Variants in PDE1A observed in about 807,000 individuals in gnomAD.
The protein encoded by PDE1A is dual specificity calcium/calmodulin-dependent 3',5'-cyclic nucleotide phosphodiesterase 1A.
PDE1A carries 35 observed loss-of-function variants against 61.7 expected under a neutral mutation model. The ratio of observed to expected loss-of-function variants is 0.57; its 90% CI spans 0.43 to 0.75. PDE1A has a LOEUF of 0.75. PDE1A is among the 30% of genes least tolerant of loss of function. The pLI, the probability that PDE1A is intolerant of heterozygous loss-of-function variation, is 0.00. For synonymous variants in PDE1A, 232 were observed against 213.2 expected (o/e 1.09, Z -0.77); for missense variants, 597 against 630.6 (o/e 0.95, Z 0.57).
intron 13 of PDE1A, among the ~76,000 whole-genome samples, chr2:182,152,147 T>G (rs980129840): frequency 6.6e-6 from 1 of 152,220 alleles, no homozygotes; most frequent in African/African-American, 2.4e-5. Flanking sequence ...ACCTTTGCTA[T>G]GTATAATAGT....
chr2:182,587,797 G>A, the PDE1A span, among the ~76,000 whole-genome samples: 4 of 151,998 alleles, frequency 2.6e-5, no homozygotes, highest in Non-Finnish European at 5.9e-5. Context: ...TGTCTAATAC[G>A]TTCATTACAT....
intron 13 of PDE1A, among the ~76,000 whole-genome samples, chr2:182,156,284 A>T (rs1348009138): frequency 6.6e-6 from 1 of 152,216 alleles, no homozygotes; most frequent in African/African-American, 2.4e-5. Context: ...AACATTCAGA[A>T]AATGCTTACT....
chr2:182,522,304 C>G, exon 2 of PDE1A: 1 of 1,613,526 alleles, frequency 6.2e-7, no homozygotes, highest in South Asian at 1.1e-5. Flanking sequence ...CACATTTTTT[C>G]AGTCTGTTCT....
chr2:182,423,013 G>A (rs1024033215), intron 1 of PDE1A, among the ~76,000 whole-genome samples: 1 of 152,174 alleles, frequency 6.6e-6, no homozygotes, highest in South Asian at 2.1e-4. Context: ...AGTCTGAGCT[G>A]GAAGAGCCTG....
At chr2:182,158,165 A>G (rs747407901) in intron 13 of PDE1A, among the ~76,000 whole-genome samples, 2 of 152,206 alleles carry the variant, frequency 1.3e-5, no homozygotes, top group African/African-American at 2.4e-5. Flanking sequence ...TTGGATGTAT[A>G]TGCAAGTTGC....
At chr2:182,270,151 C>T (rs562546998) in intron 1 of PDE1A, among the ~76,000 whole-genome samples, 20 of 152,178 alleles carry the variant, frequency 1.3e-4, no homozygotes, top group South Asian at 2.1e-4. Flanking sequence ...TACCTTCTAA[C>T]GATCAGGACA....
At chr2:182,574,173 T>C in the PDE1A span, among the ~76,000 whole-genome samples, 1 of 151,924 alleles carries the variant, frequency 6.6e-6, no homozygotes, top group African/African-American at 2.4e-5. Flanking sequence ...GCTAGGCCAG[T>C]CTCTCCTTTT....
At position 182,521,678 on chromosome 2, in the gene PDE1A, G is replaced by A. The variant is rs150206888; in HGVS notation, c.101+598C>T. Among the ~76,000 whole-genome samples, 350 of 152,174 alleles carry A rather than the reference G, an allele frequency of 2.3e-3. 3 individuals carry two copies. Among genetic ancestry groups the A allele is most frequent in the African/African-American group, 7.9e-3 (328 of 41,546 alleles). ...GACCCATTTTACTAAGGGCTATTAT[G>A]TACTATGGACTATTCTGTACTCTCA... is the stretch of plus-strand genomic sequence containing the variant. On this transcript the variant is annotated intron_variant, in intron 2 of 14. Coordinates refer to the PDE1A transcript ENST00000410103.
intron 13 of PDE1A, among the ~76,000 whole-genome samples, chr2:182,149,593 T>C (rs1372218106): frequency 6.6e-6 from 1 of 152,170 alleles, no homozygotes; most frequent in Non-Finnish European, 1.5e-5. Flanking sequence ...CCAAATTACA[T>C]TATTTTAGTT....
At chr2:182,160,750 A>G (rs1037226194) in intron 13 of PDE1A, among the ~76,000 whole-genome samples, 1 of 152,154 alleles carries the variant, frequency 6.6e-6, no homozygotes, top group Non-Finnish European at 1.5e-5. Context: ...CCTTTGTGAC[A>G]GTGTGAGCCA....
chr2:182,279,737 A>T lies in PDE1A; in HGVS notation c.54-15323T>A, dbSNP rs578105386. Among the ~76,000 whole-genome samples, 135 of 152,000 alleles carry T rather than the reference A, an allele frequency of 8.9e-4. 1 individual carries two copies. Among genetic ancestry groups the T allele is most frequent in the Middle Eastern group, 3.4e-3 (1 of 294 alleles). ...TTTATAATGAAATAAAATATATTTA[A>T]TTTCTCTTTCTCTCTACCTATCTCT... On this transcript the variant is annotated intron_variant, in intron 1 of 13. Transcript: ENST00000351439.
chr2:182,581,282 T>A, the PDE1A span, among the ~76,000 whole-genome samples: 6 of 152,132 alleles, frequency 3.9e-5, no homozygotes, highest in Non-Finnish European at 7.4e-5. Flanking sequence ...GTCTCACAGG[T>A]TTAATTCTTC....
intron 1 of PDE1A, among the ~76,000 whole-genome samples, chr2:182,358,997 C>T (rs1574445341): frequency 6.6e-6 from 1 of 151,592 alleles, no homozygotes; most frequent in East Asian, 1.9e-4. Flanking sequence ...CTTCCTTCCT[C>T]TGTCCTTTCT....
At chr2:182,303,644 G>T (rs886701551) in intron 1 of PDE1A, among the ~76,000 whole-genome samples, 3 of 152,164 alleles carry the variant, frequency 2.0e-5, no homozygotes, top group African/African-American at 7.2e-5. Flanking sequence ...GAGTCAGCCT[G>T]TCCTTTGAGG....
chr2:182,640,837 T>C, the PDE1A span, among the ~76,000 whole-genome samples: 3 of 151,808 alleles, frequency 2.0e-5, no homozygotes, highest in South Asian at 6.2e-4. Flanking sequence ...CTGGTCAACA[T>C]AGTAAAACCT....
chr2:182,696,212 A>C, the PDE1A span, among the ~76,000 whole-genome samples: 1 of 152,342 alleles, frequency 6.6e-6, no homozygotes, highest in Middle Eastern at 3.4e-3. Context: ...GATGCAACCA[A>C]AATGTCCTTT....
intron 1 of PDE1A, among the ~76,000 whole-genome samples, chr2:182,311,178 CAT>C (rs1290502687): frequency 1.3e-5 from 2 of 152,306 alleles, no homozygotes; most frequent in Non-Finnish European, 2.9e-5. Flanking sequence ...TTTCCTAACT[CAT>C]ATTATAACTT....
chr2:182,190,274 C>A (rs932400634), intron 10 of PDE1A, among the ~76,000 whole-genome samples: 1 of 152,142 alleles, frequency 6.6e-6, no homozygotes, highest in African/African-American at 2.4e-5. Flanking sequence ...TCAGAGAAAA[C>A]AAGGAATAAG....
intron 1 of PDE1A, among the ~76,000 whole-genome samples, chr2:182,336,960 CTTT>C (rs71008221): frequency 6.8e-6 from 1 of 146,152 alleles, no homozygotes. Context: ...ACATGTATCC[CTTT>C]TTTTTTTTTT....
Sources: allele counts gnomAD v4.1 joint callset (sites outside exome capture counted in the v4.1 genomes callset), GRCh38; gene constraint gnomAD v4.1.1; transcripts MANE v1.5; gene names NCBI Gene and HGNC (gene_info 2026-07-23, HGNC 2026-07-21).